Variants in IL11 observed in about 807,000 individuals in gnomAD.
IL11 encodes interleukin-11.
A neutral mutation model predicts 18.1 loss-of-function variants in IL11; 17 were observed. The observed-to-expected ratio is 0.94, with a 90% CI of 0.64 to 1.41. The LOEUF (loss-of-function observed/expected upper bound fraction) is 1.41. Ranked by LOEUF, IL11 falls within the 40% of genes most tolerant of loss-of-function variation. The pLI is 0.00. For synonymous variants in IL11, 144 were observed against 134.1 expected (o/e 1.07, Z -0.51); for missense variants, 309 against 262.8 (o/e 1.18, Z -1.22).
In IL11 at chr19:55,368,832, C is replaced by T. The variant is rs1249516152; in HGVS notation, c.117G>A (p.Leu39=). ...PRVSPDPRAE[L]DSTVLLTRSL... is the part of the protein sequence containing the mutation. ...AGCGGGTCAGGAGCACGGTGCTGTCCAGCTCGGCCCGAGGGTCTGGGGAAA... is the reference window on the plus strand; with the variant it reads ...AGCGGGTCAGGAGCACGGTGCTGTCTAGCTCGGCCCGAGGGTCTGGGGAAA... Residue 39 remains leucine, a synonymous_variant, in exon 2 of 5, where the codon CTG becomes CTA. Coordinates refer to ENST00000264563, the MANE Select transcript of IL11 (RefSeq NM_000641.4). The T allele has an allele frequency of 1.9e-6, 3 of 1,591,132 alleles. No individual in the cohort carries two copies. In the Admixed American group the frequency reaches 5.4e-5, roughly 28 times the overall value.
rs767143959 is a variant in IL11 at position 55,366,146 on chromosome 19, G to A, written c.461C>T (p.Pro154Leu). 2.3e-5 allele frequency: 34 copies of A among 1,499,922 alleles called. No individual in the cohort carries two copies. Among genetic ancestry groups the A allele is most frequent in the Middle Eastern group, 2.3e-4 (1 of 4,276 alleles). The allele number at this position is 1,499,922 out of a possible 1,614,324, so 92.9% of individuals were successfully genotyped here. The change falls in exon 5 of 5, where the codon CCG becomes CTG. Residue 154 changes from proline to leucine, a missense_variant. Pro to Leu is a moderately conservative substitution (Grantham distance 98). Coordinates refer to ENST00000264563, the MANE Select transcript of IL11 (RefSeq NM_000641.4). This position sits in a 1 kb window ranked among gnomAD's most constrained non-coding sequence, Gnocchi z 4.6. ...MSRLALPQPP[P>L]DPPAPPLAPP... is the part of the protein sequence containing the mutation. Reference sequence around the variant, plus strand: ...CGCCAGCGGGGGCGCCGGCGGGTCCGGGGGTGGCTGGGGCAGGGCCAGGCG... The same window carrying A: ...CGCCAGCGGGGGCGCCGGCGGGTCCAGGGGTGGCTGGGGCAGGGCCAGGCG...
intron 4 of IL11, among the ~76,000 whole-genome samples, chr19:55,367,450 C>CTTTTTTTTTT (rs980514763): frequency 2.9e-5 from 2 of 69,816 alleles, no homozygotes; most frequent in Non-Finnish European, 5.2e-5. Flanking sequence ...TCTTTTCCTT[C>CTTTTTTTTTT]TTTTTTTTTT....
intron 4 of IL11, among the ~76,000 whole-genome samples, chr19:55,367,803 T>G (rs957790514): frequency 1.3e-5 from 2 of 151,598 alleles, no homozygotes; most frequent in Non-Finnish European, 2.9e-5. Context: ...TCTCCAAGTC[T>G]TGAGGTGAGG....
intron 4 of IL11, among the ~76,000 whole-genome samples, chr19:55,367,001 G>A (rs1487732731): frequency 6.6e-6 from 1 of 152,110 alleles, no homozygotes; most frequent in Non-Finnish European, 1.5e-5. Flanking sequence ...GTGGGCTCGA[G>A]TCTAGGGTCA....
At position 55,365,716 on chromosome 19, in the gene IL11, G is replaced by A. The variant is rs2089780714; in HGVS notation, c.*291C>T. The A allele has an allele frequency of 2.2e-6, 1 of 447,082 alleles. No individual in the cohort carries two copies. Among genetic ancestry groups the A allele is most frequent in the African/African-American group, 2.1e-5 (1 of 47,712 alleles). 27.7% of individuals were successfully genotyped at this position (447,082 alleles called of 1,614,324 possible). ...ATATGTTCCTGCCCAGGCCTAGATG[G>A]GGAAGAGCCAGGGCAGAAGTCTGTG... On this transcript the variant is annotated 3_prime_UTR_variant, in exon 5 of 5. Transcript: ENST00000264563.
At position 55,368,825 on chromosome 19, in the gene IL11, T is replaced by G. The variant is rs375031113; in HGVS notation, c.124A>C (p.Thr42Pro). 2 of 1,592,704 alleles carry G rather than the reference T, an allele frequency of 1.3e-6. No homozygotes were observed. Among genetic ancestry groups the G allele is most frequent in the Admixed American group, 3.6e-5 (2 of 56,164 alleles). Residue 42 changes from threonine (T) to proline (P), a missense_variant, in exon 2 of 5, where the codon ACC becomes CCC. Physicochemically the swap from Thr to Pro is conservative, Grantham distance 38. Coordinates refer to ENST00000264563, the MANE Select transcript of IL11 (RefSeq NM_000641.4). ...SPDPRAELDSTVLLTRSLLAD... is the reference protein window; with the variant it reads ...SPDPRAELDSPVLLTRSLLAD... ...AGGAGAGAGCGGGTCAGGAGCACGG[T>G]GCTGTCCAGCTCGGCCCGAGGGTCT...
intron 1 of IL11, 137 bp downstream of exon 1, chr19:55,370,167 G>A: frequency 1.4e-6 from 1 of 710,656 alleles, no homozygotes; most frequent in Admixed American, 2.2e-5. Context: ...TCCTGTCTCC[G>A]AAGCTGCTCT....
In IL11 at chr19:55,368,404, C is replaced by T. The variant is rs559974580; in HGVS notation, c.268-33G>A. 8.2e-6 allele frequency: 13 copies of T among 1,585,494 alleles called. No homozygotes were observed. In the East Asian group the frequency reaches 1.8e-4, roughly 22 times the overall value. On this transcript the variant is annotated intron_variant, in intron 3 of 4. Transcript: ENST00000264563. ...TAGAGCCGGGACATCAGAGAACACC[C>T]GACCAGTGCCCCTCATCCTCCCCGC...
At chr19:55,367,958 G>A (rs895953398) in intron 4 of IL11, among the ~76,000 whole-genome samples, 2 of 152,094 alleles carry the variant, frequency 1.3e-5, no homozygotes, top group African/African-American at 2.4e-5. Context: ...GGGGTCTAGG[G>A]CCTCAGGGTC....
intron 4 of IL11, among the ~76,000 whole-genome samples, chr19:55,367,523 C>T (rs1237406706): frequency 3.9e-5 from 5 of 128,738 alleles, no homozygotes; most frequent in African/African-American, 8.8e-5. Flanking sequence ...TGTAATGGTG[C>T]GATCTCGGCT....
In IL11 at chr19:55,366,067, C is replaced by T. The variant is rs779770907; in HGVS notation, c.540G>A (p.Gly180=). ...CGGCCCAGTCAAGTGTCAGGTGCAG[C>T]CCCCCCAGGATGGCGTGGGCGGCCC... ...GIRAAHAILG[G]LHLTLDWAVR... is the part of the protein sequence containing the mutation. Residue 180 remains glycine (G), a synonymous_variant, in exon 5 of 5, where the codon GGG becomes GGA. Transcript: ENST00000264563. This position sits in a 1 kb window ranked among gnomAD's most constrained non-coding sequence, Gnocchi z 4.6. 153 of 1,597,454 alleles carry T rather than the reference C, an allele frequency of 9.6e-5. No homozygotes were observed. Among genetic ancestry groups the T allele is most frequent in the Non-Finnish European group, 1.3e-4 (148 of 1,172,928 alleles).
At position 55,366,003 on chromosome 19, in the gene IL11, C is replaced by G. The variant is rs371404450; in HGVS notation, c.*4G>C. On this transcript the variant is annotated 3_prime_UTR_variant, in exon 5 of 5. Coordinates refer to ENST00000264563, the MANE Select transcript of IL11 (RefSeq NM_000641.4). This position sits in a 1 kb window ranked among gnomAD's most constrained non-coding sequence, Gnocchi z 4.6. Reference sequence around the variant, plus strand: ...GAAGGACGGTGGTGGCTTTGGGCCCCGGGTCACAGCCGAGTCTTCAGCAGC... The same window carrying G: ...GAAGGACGGTGGTGGCTTTGGGCCCGGGGTCACAGCCGAGTCTTCAGCAGC... 331 of 1,596,800 alleles carry G rather than the reference C, an allele frequency of 2.1e-4. No individual in the cohort carries two copies. Among genetic ancestry groups the G allele is most frequent in the Non-Finnish European group, 2.6e-4 (303 of 1,173,112 alleles).
chr19:55,370,355 C>A lies in IL11; in HGVS notation c.-45G>T, dbSNP rs2089815238. The A allele has an allele frequency of 2.1e-6, 3 of 1,399,278 alleles. No individual in the cohort carries two copies. The highest frequency in any genetic ancestry group is 2.8e-6 in the Non-Finnish European group (3 of 1,067,648). 86.7% of individuals were successfully genotyped at this position (1,399,278 alleles called of 1,614,324 possible). Reference sequence around the variant, plus strand: ...TTCCCCAGGGCAGGGGGCAGGGAGCCGGGGGCCTTTAACCCTTCCCTGTCC... The same window carrying A: ...TTCCCCAGGGCAGGGGGCAGGGAGCAGGGGGCCTTTAACCCTTCCCTGTCC... On this transcript the variant is annotated 5_prime_UTR_variant, in exon 1 of 5. Transcript: ENST00000264563.
At chr19:55,368,737 T>A in intron 2 of IL11, 32 bp downstream of exon 2, 1 of 1,552,304 alleles carries the variant, frequency 6.4e-7, no homozygotes, top group Non-Finnish European at 8.7e-7. Context: ...TGCCTCTCAC[T>A]CCTGTGCTGG....
At chr19:55,368,163 G>A in intron 4 of IL11, 47 bp downstream of exon 4, 1 of 1,467,938 alleles carries the variant, frequency 6.8e-7, no homozygotes, top group Non-Finnish European at 9.1e-7. Context: ...GGATTTTGGG[G>A]CCAGGGGTGG....
chr19:55,368,955 A>G lies in IL11; in HGVS notation c.8-14T>C. 1 of 1,485,688 alleles carries G rather than the reference A, an allele frequency of 6.7e-7. No individual in the cohort carries two copies. The allele number at this position is 1,485,688 out of a possible 1,614,324, so 92.0% of individuals were successfully genotyped here. On this transcript the variant is annotated splice_polypyrimidine_tract_variant and intron_variant, in intron 1 of 4. Coordinates refer to ENST00000264563, the MANE Select transcript of IL11 (RefSeq NM_000641.4). ...GGCGGCAAACACCTGGGGGCAGGAT[A>G]AGGCAGAGAGCTCAGGCTGGACTCC...
Position 55,365,680 on chromosome 19 carries a change from A to C in IL11, c.*327T>G, listed in dbSNP as rs2089780485. 1 of 296,814 alleles carries C rather than the reference A, an allele frequency of 3.4e-6. No homozygotes were observed. Among genetic ancestry groups the C allele is most frequent in the Non-Finnish European group, 6.2e-6 (1 of 161,174 alleles). 18.4% of individuals were successfully genotyped at this position (296,814 alleles called of 1,614,324 possible). On this transcript the variant is annotated 3_prime_UTR_variant, in exon 5 of 5. Coordinates refer to ENST00000264563, the MANE Select transcript of IL11 (RefSeq NM_000641.4). ...ACCCCAACATGAAAAGTAATTGCTT[A>C]AATAAATAATATATGTTCCTGCCCA...
intron 4 of IL11, among the ~76,000 whole-genome samples, chr19:55,367,407 C>A (rs2089791888): frequency 1.4e-5 from 2 of 147,956 alleles, no homozygotes; most frequent in African/African-American, 5.0e-5. Flanking sequence ...AGGGCTGGGG[C>A]CTGGGGTCTC....
Position 55,366,006 on chromosome 19 carries a change from G to A in IL11, c.*1C>T, listed in dbSNP as rs2089782707. ...GGACGGTGGTGGCTTTGGGCCCCGG[G>A]TCACAGCCGAGTCTTCAGCAGCAGC... On this transcript the variant is annotated 3_prime_UTR_variant, in exon 5 of 5. Coordinates refer to ENST00000264563, the MANE Select transcript of IL11 (RefSeq NM_000641.4). This position sits in a 1 kb window ranked among gnomAD's most constrained non-coding sequence, Gnocchi z 4.6. The A allele has an allele frequency of 1.3e-6, 2 of 1,599,480 alleles. No individual in the cohort carries two copies. Among genetic ancestry groups the A allele is most frequent in the Admixed American group, 1.7e-5 (1 of 58,228 alleles).
Sources: gnomAD v4.1 joint callset for allele counts (sites outside exome capture counted in the v4.1 genomes callset) on GRCh38, gnomAD v4.1.1 for gene constraint, Gnocchi (gnomAD v3.1) non-coding constraint, MANE v1.5 for transcripts, NCBI Gene and HGNC (gene_info 2026-07-23, HGNC 2026-07-21) for gene names.